PRRG1: variants seen among roughly 807,000 people sequenced by gnomAD.
The protein encoded by PRRG1 is proline rich and Gla domain 1.
PRRG1 carries 5 observed loss-of-function variants against 11.8 expected under a neutral mutation model. That is an observed-to-expected ratio of 0.42 (90% CI 0.22 to 0.89). The LOEUF is 0.89. PRRG1 is among the 40% of genes least tolerant of loss of function. The pLI, the probability that PRRG1 is intolerant of heterozygous loss-of-function variation, is 0.28. For missense variants in PRRG1, 155 were observed against 166.1 expected, an observed-to-expected ratio of 0.93 and a Z score of 0.37; for synonymous variants, 66 against 60.4, an observed-to-expected ratio of 1.09 and a Z score of -0.43.
chrX:37,361,328 C>A (rs1368349470), intron 1 of PRRG1, among the ~76,000 whole-genome samples: 1 of 103,121 alleles, frequency 9.7e-6, no homozygotes, highest in African/African-American at 3.7e-5. Flanking sequence ...GGCGACAGAG[C>A]GAGACTCAGT....
intron 1 of PRRG1, among the ~76,000 whole-genome samples, chrX:37,396,971 C>T (rs925017791): frequency 8.9e-5 from 10 of 111,853 alleles, no homozygotes; most frequent in African/African-American, 3.3e-4. Flanking sequence ...AATGCCCCCT[C>T]GGGGGAAAAT....
At chrX:37,362,308 A>G (rs1556367855) in intron 1 of PRRG1, among the ~76,000 whole-genome samples, 1 of 111,677 alleles carries the variant, frequency 9.0e-6, no homozygotes, top group Non-Finnish European at 1.9e-5. Flanking sequence ...CACGGTTTAT[A>G]TACTTGACCT....
At chrX:37,420,848 C>T (rs373750123) in intron 2 of PRRG1, among the ~76,000 whole-genome samples, 45 of 109,634 alleles carry the variant, frequency 4.1e-4, no homozygotes, top group African/African-American at 1.4e-3. Context: ...GGCTACAGAG[C>T]GAAACTCTGT....
intron 2 of PRRG1, among the ~76,000 whole-genome samples, chrX:37,421,469 G>T (rs1932659336): frequency 9.0e-6 from 1 of 111,626 alleles, no homozygotes; most frequent in South Asian, 3.7e-4. Flanking sequence ...ACAATTTAAG[G>T]AGAAAGAGGC....
intron 1 of PRRG1, among the ~76,000 whole-genome samples, chrX:37,387,705 G>A (rs1363756441): frequency 9.0e-6 from 1 of 110,762 alleles, no homozygotes; most frequent in Non-Finnish European, 1.9e-5. Flanking sequence ...GTGAGATTTG[G>A]GTGGGGACAC....
At chrX:37,387,550 G>T (rs782595873) in intron 1 of PRRG1, among the ~76,000 whole-genome samples, 2 of 111,172 alleles carry the variant, frequency 1.8e-5, no homozygotes, top group Non-Finnish European at 3.8e-5. Flanking sequence ...AGAGAGAGAG[G>T]GGGGAGGTGC....
At chrX:37,409,273 T>A (rs1033718993) in intron 2 of PRRG1, among the ~76,000 whole-genome samples, 1 of 111,275 alleles carries the variant, frequency 9.0e-6, no homozygotes, top group Non-Finnish European at 1.9e-5. Flanking sequence ...ATCATAAAGG[T>A]CTTAATTTTT....
intron 1 of PRRG1, among the ~76,000 whole-genome samples, chrX:37,395,882 A>G (rs909478235): frequency 8.9e-6 from 1 of 111,892 alleles, no homozygotes; most frequent in Non-Finnish European, 1.9e-5. Context: ...TAACATAGTA[A>G]TTATTCAATC....
intron 3 of PRRG1, chrX:37,440,783 T>G (rs1312123228): frequency 2.0e-6 from 1 of 510,110 alleles, no homozygotes; most frequent in Non-Finnish European, 3.5e-6. Flanking sequence ...GTTTTAAAAT[T>G]GAGACAGGGT....
At position 37,453,424 on chromosome X, in the gene PRRG1, G is replaced by A. The variant is rs1556397272; in HGVS notation, c.460G>A (p.Gly154Arg). 2 of 1,208,063 alleles carry A rather than the reference G, an allele frequency of 1.7e-6. No individual in the cohort carries two copies. Among genetic ancestry groups the A allele is most frequent in the Admixed American group, 4.4e-5 (2 of 45,629 alleles). ...TCCAGGCTTTCTGGGATATGTAGTT[G>A]GGCGCTCAGATTCCGTCTCTACTCG... is the stretch of plus-strand genomic sequence containing the variant. ...LSPGFLGYVV[G>R]RSDSVSTRLS... is the part of the protein sequence containing the mutation. Residue 154 changes from glycine to arginine, a missense_variant, in exon 4 of 4, where the codon GGG becomes AGG. Transcript: ENST00000378628.
intron 1 of PRRG1, among the ~76,000 whole-genome samples, chrX:37,364,986 G>C (rs1930524531): frequency 8.9e-6 from 1 of 111,803 alleles, no homozygotes; most frequent in Admixed American, 9.5e-5. Context: ...AACTTTGTGA[G>C]GCATTGCATT....
intron 3 of PRRG1, among the ~76,000 whole-genome samples, 166 bp downstream of exon 3, chrX:37,426,166 A>G (rs1602024639): frequency 8.9e-6 from 1 of 111,741 alleles, no homozygotes; most frequent in Non-Finnish European, 1.9e-5. Context: ...TTGGAGAGCT[A>G]GGTTCACTTC....
At chrX:37,414,738 G>C (rs1288453931) in intron 2 of PRRG1, among the ~76,000 whole-genome samples, 10 of 112,778 alleles carry the variant, frequency 8.9e-5, no homozygotes, top group Non-Finnish European at 1.9e-4. Flanking sequence ...ATCTCTTTCA[G>C]TTCTGAAAAT....
intron 3 of PRRG1, among the ~76,000 whole-genome samples, chrX:37,429,795 G>A (rs1273843927): frequency 8.9e-6 from 1 of 111,750 alleles, no homozygotes; most frequent in African/African-American, 3.3e-5. Flanking sequence ...ACATACCTGA[G>A]ACTGGGAAGA....
At chrX:37,452,962 T>C (rs1376487500) in intron 3 of PRRG1, among the ~76,000 whole-genome samples, 174 bp from the exon 4 acceptor site, 1 of 112,217 alleles carries the variant, frequency 8.9e-6, no homozygotes, top group Non-Finnish European at 1.9e-5. Flanking sequence ...AGCACAGTTA[T>C]GTATTTGTAA....
rs1921331187 is a variant in PRRG1, at chrX:37,455,725, G to C, written c.*2104G>C. 1 of 112,803 alleles carries C rather than the reference G, an allele frequency of 8.9e-6. No homozygotes were observed. The highest frequency in any genetic ancestry group is 3.2e-5 in the African/African-American group (1 of 31,083). 9.3% of individuals were successfully genotyped at this position (112,803 alleles called of 1,213,427 possible). A position where few individuals can be genotyped will look rare whatever the true frequency, so the allele number is the denominator to read the frequency against. ...TTACTTTTGCCATGAGTACACATCA[G>C]ATATCTTTGGCTTCTATTTAAAGCT... On this transcript the variant is annotated 3_prime_UTR_variant, in exon 4 of 4. Transcript: ENST00000378628.
At chrX:37,376,085 G>A (rs2146535362) in intron 1 of PRRG1, among the ~76,000 whole-genome samples, 1 of 111,262 alleles carries the variant, frequency 9.0e-6, no homozygotes, top group East Asian at 2.8e-4. Context: ...TTTTTCTTGT[G>A]AGGATAAGAG....
chrX:37,394,359 T>C (rs1556377535), intron 1 of PRRG1, among the ~76,000 whole-genome samples: 1 of 111,641 alleles, frequency 9.0e-6, no homozygotes, highest in East Asian at 2.8e-4. Flanking sequence ...GCGCCTGATC[T>C]CTAGAGTATG....
At chrX:37,382,615 C>T (rs1002739648) in intron 1 of PRRG1, among the ~76,000 whole-genome samples, 1 of 111,105 alleles carries the variant, frequency 9.0e-6, no homozygotes, top group East Asian at 2.8e-4. Flanking sequence ...TATTAAGAAT[C>T]ATGTTTATAG....
Sources: allele counts gnomAD v4.1 joint callset (sites outside exome capture counted in the v4.1 genomes callset), GRCh38; gene constraint gnomAD v4.1.1; transcripts MANE v1.5; gene names NCBI Gene and HGNC (gene_info 2026-07-23, HGNC 2026-07-21).